The following CCBE1 variants were observed in gnomAD, a reference collection of about 807,000 sequenced individuals.
CCBE1 encodes the protein collagen and calcium-binding EGF domain-containing protein 1.
Under a neutral mutation model 50.0 loss-of-function variants are expected in CCBE1, and 37 were observed. The observed-to-expected ratio is 0.74, with a 90% CI of 0.57 to 0.97. The LOEUF (loss-of-function observed/expected upper bound fraction) is 0.97. Among genes scored for constraint, CCBE1 ranks in the 50% least tolerant of loss-of-function variants. The probability of loss-of-function intolerance (pLI) is 0.00; values close to 1 mark genes in which losing one functional copy is unlikely to be tolerated. For synonymous variants in CCBE1, 234 were observed against 203.7 expected (o/e 1.15, Z -1.27); for missense variants, 538 against 523.8 (o/e 1.03, Z -0.26).
intron 7 of CCBE1, among the ~76,000 whole-genome samples, chr18:59,447,313 C>T (rs1189481648): frequency 1.3e-5 from 2 of 152,106 alleles, no homozygotes; most frequent in Admixed American, 6.5e-5. Context: ...TCTGCCTAGA[C>T]TGGGAGTTGG....
intron 10 of CCBE1, 30 bp downstream of exon 10, chr18:59,438,081 T>A: frequency 6.2e-7 from 1 of 1,613,026 alleles, no homozygotes; most frequent in Non-Finnish European, 8.5e-7. Flanking sequence ...AACGTTCCCC[T>A]GGGGAAGCAG....
At chr18:59,467,060 A>G (rs1911785584) in intron 4 of CCBE1, among the ~76,000 whole-genome samples, 169 bp from the exon 5 acceptor site, 1 of 152,248 alleles carries the variant, frequency 6.6e-6, no homozygotes, top group Admixed American at 6.5e-5. Flanking sequence ...GGTCATCCAT[A>G]AAAACAGCAC....
At chr18:59,441,011 A>T (rs1910396638) in intron 7 of CCBE1, among the ~76,000 whole-genome samples, 1 of 152,232 alleles carries the variant, frequency 6.6e-6, no homozygotes, top group African/African-American at 2.4e-5. Context: ...TGGAGGAATT[A>T]TTTGAAGACT....
At chr18:59,525,631 G>C (rs763561236) in intron 2 of CCBE1, among the ~76,000 whole-genome samples, 81 of 152,162 alleles carry the variant, frequency 5.3e-4, no homozygotes, top group Non-Finnish European at 9.0e-4. Flanking sequence ...TTCTGTTGCA[G>C]ATGCTTTTGA....
At chr18:59,691,112 A>G (rs1283083966) in intron 2 of CCBE1, among the ~76,000 whole-genome samples, 1 of 152,254 alleles carries the variant, frequency 6.6e-6, no homozygotes, top group Non-Finnish European at 1.5e-5. Flanking sequence ...AAGTTCCTGA[A>G]GACCTAACAG....
intron 2 of CCBE1, among the ~76,000 whole-genome samples, chr18:59,570,603 A>G (rs948335353): frequency 1.2e-4 from 18 of 152,038 alleles, no homozygotes; most frequent in Admixed American, 6.6e-4. Context: ...GAGGGGAAGG[A>G]GAGTATTCTG....
intron 4 of CCBE1, 73 bp downstream of exon 4, chr18:59,469,400 G>A (rs901836487): frequency 2.1e-5 from 33 of 1,597,968 alleles, no homozygotes; most frequent in Non-Finnish European, 2.7e-5. Context: ...GAACTGAAGG[G>A]TCCAACCAAG....
intron 2 of CCBE1, among the ~76,000 whole-genome samples, chr18:59,610,014 C>G (rs1366656897): frequency 6.6e-6 from 1 of 152,200 alleles, no homozygotes; most frequent in Non-Finnish European, 1.5e-5. Context: ...ATGTAGCACA[C>G]AAACCTAATA....
At chr18:59,596,367 T>C (rs2053350789) in intron 2 of CCBE1, among the ~76,000 whole-genome samples, 1 of 152,226 alleles carries the variant, frequency 6.6e-6, no homozygotes, top group African/African-American at 2.4e-5. Flanking sequence ...ATCATTAGTC[T>C]TCCTTGTTCA....
chr18:59,647,584 AAAG>A (rs1279951149), intron 2 of CCBE1, among the ~76,000 whole-genome samples: 1 of 152,346 alleles, frequency 6.6e-6, no homozygotes, highest in Admixed American at 6.5e-5. Context: ...TCTTTTTCAA[AAAG>A]AATATTCTGT....
intron 2 of CCBE1, among the ~76,000 whole-genome samples, chr18:59,534,254 T>TA (rs1399580052): frequency 6.6e-6 from 1 of 152,246 alleles, no homozygotes; most frequent in Non-Finnish European, 1.5e-5. Context: ...CGGTATCATG[T>TA]ACTAAAACCT....
chr18:59,480,144 G>A (rs768371264), intron 3 of CCBE1, 42 bp downstream of exon 3: 4 of 1,227,514 alleles, frequency 3.3e-6, no homozygotes, highest in Admixed American at 1.7e-5. Context: ...TGAATGATTA[G>A]TTGTGAATAA....
intron 2 of CCBE1, among the ~76,000 whole-genome samples, chr18:59,619,165 T>C (rs576975887): frequency 1.3e-5 from 2 of 152,260 alleles, no homozygotes; most frequent in Non-Finnish European, 2.9e-5. Context: ...GCCACCATTA[T>C]ATAGTACATG....
At chr18:59,645,016 G>C (rs987420859) in intron 2 of CCBE1, among the ~76,000 whole-genome samples, 1 of 152,202 alleles carries the variant, frequency 6.6e-6, no homozygotes, top group Non-Finnish European at 1.5e-5. Context: ...AGCACTTTGG[G>C]AGGCCGAGGT....
rs1393280182 is a variant in CCBE1, at chr18:59,460,840, G to A, written c.554-5889C>T. On this transcript the variant is annotated intron_variant, in intron 5 of 10. Transcript: ENST00000439986. ...ATCCCAGCTACTTGGGAGGCTGAGG[G>A]ATGGGAATCGCTTGAACCTGGGAGG... 2.6e-5 allele frequency among the ~76,000 whole-genome samples: 4 copies of A among 151,960 alleles called. No homozygotes were observed. The South Asian group carries it at 6.2e-4, about 24-fold the overall frequency.
intron 2 of CCBE1, among the ~76,000 whole-genome samples, chr18:59,509,759 A>T (rs1185475813): frequency 6.6e-6 from 1 of 152,200 alleles, no homozygotes; most frequent in African/African-American, 2.4e-5. Flanking sequence ...CTGACCTTGA[A>T]ATCCAGAGGG....
intron 2 of CCBE1, among the ~76,000 whole-genome samples, chr18:59,681,720 G>T (rs2054590949): frequency 6.6e-6 from 1 of 151,802 alleles, no homozygotes; most frequent in Non-Finnish European, 1.5e-5. Context: ...GGAGTAAAAA[G>T]ACTTTTTCCT....
At chr18:59,678,219 A>G (rs1191943022) in intron 2 of CCBE1, among the ~76,000 whole-genome samples, 1 of 152,228 alleles carries the variant, frequency 6.6e-6, no homozygotes, top group Non-Finnish European at 1.5e-5. Context: ...TCTTACAGCG[A>G]TGGAGGCAAA....
chr18:59,543,742 G>A (rs955187751), intron 2 of CCBE1, among the ~76,000 whole-genome samples: 5 of 149,676 alleles, frequency 3.3e-5, no homozygotes, highest in Admixed American at 2.0e-4. Context: ...GGCTGAGGCA[G>A]GAGAATGGCG....
Sources: gnomAD v4.1 joint callset for allele counts (sites outside exome capture counted in the v4.1 genomes callset) on GRCh38, gnomAD v4.1.1 for gene constraint, MANE v1.5 for transcripts, NCBI Gene and HGNC (gene_info 2026-07-23, HGNC 2026-07-21) for gene names.